The following PPP2R1B variants were observed in gnomAD, a reference collection of about 807,000 sequenced individuals.
PPP2R1B encodes protein phosphatase 2 scaffold subunit Abeta.
A neutral mutation model predicts 72.7 loss-of-function variants in PPP2R1B; 58 were observed. The ratio of observed to expected loss-of-function variants is 0.80; its 90% CI spans 0.65 to 0.99. The LOEUF (loss-of-function observed/expected upper bound fraction) is 0.99, where lower values mean the gene tolerates loss of function less well. PPP2R1B is among the 50% of genes least tolerant of loss of function. The pLI, the probability that PPP2R1B is intolerant of heterozygous loss-of-function variation, is 0.00. For synonymous variants in PPP2R1B, 256 were observed against 264.6 expected (o/e 0.97, Z 0.32); for missense variants, 695 against 733.6 (o/e 0.95, Z 0.61).
At chr11:111,742,475 A>T (rs1944557063) in intron 13 of PPP2R1B, 48 bp downstream of exon 13, 1 of 1,575,136 alleles carries the variant, frequency 6.3e-7, no homozygotes, top group Admixed American at 1.8e-5. Flanking sequence ...ACTATAAGGT[A>T]AAATTTAAAG....
At chr11:111,765,182 C>CA (rs1416987956) in intron 2 of PPP2R1B, 112 bp downstream of exon 2, 7 of 1,187,848 alleles carry the variant, frequency 5.9e-6, no homozygotes, top group African/African-American at 3.1e-5. Context: ...TTCTTTTGCA[C>CA]AAAAAACACC....
At chr11:111,756,159 G>A (rs71405271) in intron 5 of PPP2R1B, among the ~76,000 whole-genome samples, 2 of 150,332 alleles carry the variant, frequency 1.3e-5, no homozygotes, top group African/African-American at 4.9e-5. Context: ...GCAGTGAGCC[G>A]AGACTGCACC....
chr11:111,743,354 A>G (rs775634990), intron 12 of PPP2R1B, 22 bp downstream of exon 12: 45 of 1,584,986 alleles, frequency 2.8e-5, no homozygotes, highest in Middle Eastern at 3.3e-4. Context: ...AAGCTTAGCA[A>G]TAACAGTTAT....
chr11:111,765,211 G>T, intron 2 of PPP2R1B, 83 bp downstream of exon 2: 1 of 1,330,606 alleles, frequency 7.5e-7, no homozygotes, highest in Non-Finnish European at 1.1e-6. Context: ...TTTAATGTGG[G>T]TAATAAACTC....
chr11:111,739,856 C>G lies in PPP2R1B; in HGVS notation c.*1740G>C. The G allele has an allele frequency of 1.0e-6, 1 of 979,258 alleles. No homozygotes were observed. The highest frequency in any genetic ancestry group is 1.7e-5 in the African/African-American group (1 of 57,184). 60.7% of individuals were successfully genotyped at this position (979,258 alleles called of 1,614,324 possible). On this transcript the variant is annotated 3_prime_UTR_variant, in exon 15 of 15. Transcript: ENST00000527614. The stretch of plus-strand genomic sequence containing the variant: ...AAAAAGATTTGTGCTTAGGAAAATA[C>G]TTAATTCTTGGCCCAAAGTCATAAA...
At chr11:111,727,160 G>A in intron 15 of PPP2R1B, 4 of 917,228 alleles carry the variant, frequency 4.4e-6, no homozygotes, top group Non-Finnish European at 7.0e-6. Context: ...ACCTCTGCCT[G>A]CACTGCCTTC....
chr11:111,689,633 G>A, the PPP2R1B span, among the ~76,000 whole-genome samples: 335 of 152,294 alleles, frequency 2.2e-3, 1 homozygote, highest in Non-Finnish European at 3.6e-3. Flanking sequence ...GACTGACCAA[G>A]AAATTATTAA....
chr11:111,704,849 G>C, the PPP2R1B span: 1 of 953,524 alleles, frequency 1.0e-6, no homozygotes. Flanking sequence ...TTTTGGAGCA[G>C]CTTTCATCTT....
At chr11:111,723,665 C>T (rs763962224), downstream of PPP2R1B, 39 of 1,613,646 alleles carry the variant, frequency 2.4e-5, no homozygotes, top group Non-Finnish European at 3.2e-5. Flanking sequence ...CCTGACCCAG[C>T]CCCTGAGCCC....
rs965178159 is a variant in PPP2R1B, at chr11:111,740,182, A to G, written c.*1414T>C. 1.8e-5 allele frequency: 18 copies of G among 985,324 alleles called. No individual in the cohort carries two copies. The allele number at this position is 985,324 out of a possible 1,614,324, so 61.0% of individuals were successfully genotyped here. On this transcript the variant is annotated 3_prime_UTR_variant, in exon 15 of 15. Transcript: ENST00000527614. ...AAACTATGGGAAAACCCCCTTAACC[A>G]AAAGTCATGAGACAAGGTGAGTTTG...
chr11:111,699,562 A>G, the PPP2R1B span, among the ~76,000 whole-genome samples: 1 of 152,186 alleles, frequency 6.6e-6, no homozygotes, highest in South Asian at 2.1e-4. Context: ...AAAACTGGTA[A>G]TTAGCTGTAG....
chr11:111,744,168 T>TA (rs1457032285), intron 11 of PPP2R1B, among the ~76,000 whole-genome samples: 1 of 152,218 alleles, frequency 6.6e-6, no homozygotes, highest in Non-Finnish European at 1.5e-5. Flanking sequence ...ATGAAAGACT[T>TA]AGATTTGATT....
At chr11:111,754,696 C>T (rs782028115) in intron 7 of PPP2R1B, 127 bp from the exon 8 acceptor site, 23 of 1,425,786 alleles carry the variant, frequency 1.6e-5, no homozygotes, top group Admixed American at 3.1e-5. Context: ...AGGAAAACAG[C>T]TCTTGTTCTA....
downstream of PPP2R1B, chr11:111,725,608 A>T (rs888466052): frequency 6.5e-6 from 1 of 152,696 alleles, no homozygotes; most frequent in Non-Finnish European, 1.5e-5. Flanking sequence ...TCAGCAGATG[A>T]ATGTGTTAAG....
chr11:111,715,686 G>A, the PPP2R1B span, among the ~76,000 whole-genome samples: 1 of 152,100 alleles, frequency 6.6e-6, no homozygotes, highest in African/African-American at 2.4e-5. Context: ...GGGGCCATAT[G>A]GGAGGGCAGA....
In PPP2R1B at chr11:111,740,256, G is replaced by C. The variant is rs1185474257; in HGVS notation, c.*1340C>G. ...TTTTTGAGATGGACTCTCGCTCTATGGCCCAGGCTAGAGTGCAGTGGCGCG... is the reference window on the plus strand; with the variant it reads ...TTTTTGAGATGGACTCTCGCTCTATCGCCCAGGCTAGAGTGCAGTGGCGCG... On this transcript the variant is annotated 3_prime_UTR_variant, in exon 15 of 15. Transcript: ENST00000527614. The C allele has an allele frequency of 1.0e-6, 1 of 973,682 alleles. No homozygotes were observed. Among genetic ancestry groups the C allele is most frequent in the Non-Finnish European group, 1.2e-6 (1 of 819,518 alleles). 60.3% of individuals were successfully genotyped at this position (973,682 alleles called of 1,614,324 possible).
downstream of PPP2R1B, chr11:111,737,526 G>A (rs776015863): frequency 6.2e-7 from 1 of 1,614,220 alleles, no homozygotes; most frequent in South Asian, 1.1e-5. Context: ...GTTCTCCACT[G>A]TCCTTCACAG....
Position 111,741,368 on chromosome 11 carries a change from G to A in PPP2R1B, c.*228C>T. On this transcript the variant is annotated 3_prime_UTR_variant, in exon 15 of 15. Coordinates refer to ENST00000527614, the MANE Select transcript of PPP2R1B (RefSeq NM_002716.5). ...AGGAGACAATCAAGTGTCAGGAATT[G>A]GTCAATAAGAACGGCTTAAATAATG... is the stretch of plus-strand genomic sequence containing the variant. 7.3e-7 allele frequency: 1 copy of A among 1,366,018 alleles called. No individual in the cohort carries two copies. The highest frequency in any genetic ancestry group is 9.4e-7 in the Non-Finnish European group (1 of 1,062,176). 84.6% of individuals were successfully genotyped at this position (1,366,018 alleles called of 1,614,324 possible). A position where few individuals can be genotyped will look rare whatever the true frequency, so the allele number is the denominator to read the frequency against.
At chr11:111,710,411 A>G in the PPP2R1B span, among the ~76,000 whole-genome samples, 1 of 152,238 alleles carries the variant, frequency 6.6e-6, no homozygotes. Flanking sequence ...TATACAGTAT[A>G]GCCAGTGATA....
Sources: allele counts gnomAD v4.1 joint callset (sites outside exome capture counted in the v4.1 genomes callset), GRCh38; gene constraint gnomAD v4.1.1; transcripts MANE v1.5; gene names NCBI Gene and HGNC (gene_info 2026-07-23, HGNC 2026-07-21).